The following KAT2A variants were observed in gnomAD, a reference collection of about 807,000 sequenced individuals.
The protein encoded by KAT2A is histone acetyltransferase KAT2A.
A neutral mutation model predicts 95.2 loss-of-function variants in KAT2A; 42 were observed. The observed-to-expected ratio is 0.44, with a 90% CI of 0.34 to 0.57. KAT2A has a LOEUF of 0.57. Ranked by LOEUF, KAT2A falls within the 20% of genes least tolerant of loss-of-function variation. The probability of loss-of-function intolerance (pLI) is 0.01; values close to 1 mark genes in which losing one functional copy is unlikely to be tolerated. For synonymous variants in KAT2A, 449 were observed against 448.2 expected, an observed-to-expected ratio of 1.00 and a Z score of -0.02; for missense variants, 784 against 1,126.3, an observed-to-expected ratio of 0.70 and a Z score of 4.35.
intron 3 of KAT2A, 22 bp downstream of exon 3, chr17:42,120,203 C>T (rs1555667011): frequency 1.2e-6 from 2 of 1,614,078 alleles, no homozygotes; most frequent in Non-Finnish European, 1.7e-6. Flanking sequence ...TTCACTCACA[C>T]CCTCCTTTAG....
In KAT2A at chr17:42,115,055, G is replaced by T; in HGVS notation, c.1876-20C>A. 1.2e-6 allele frequency: 2 copies of T among 1,611,986 alleles called. No individual in the cohort carries two copies. Among genetic ancestry groups the T allele is most frequent in the Non-Finnish European group, 1.7e-6 (2 of 1,179,038 alleles). On this transcript the variant is annotated intron_variant, in intron 12 of 17. Transcript: ENST00000225916. ...GAAACCCTGGGGGGTGGATGGTCAT[G>T]ACCCAGTCCATCCATAAGTATTTCC...
chr17:42,113,608 G>T lies in KAT2A; in HGVS notation c.*41C>A. On this transcript the variant is annotated 3_prime_UTR_variant, in exon 18 of 18. Transcript: ENST00000225916. The stretch of plus-strand genomic sequence containing the variant: ...CCTAAGGATCAGATCAGAATCCGAG[G>T]TGGAGACATTCCAGGTCAGGGCTGC... The T allele has an allele frequency of 6.4e-7, 1 of 1,572,966 alleles. No homozygotes were observed. The highest frequency in any genetic ancestry group is 8.6e-7 in the Non-Finnish European group (1 of 1,160,006).
At position 42,120,069 on chromosome 17, in the gene KAT2A, G is replaced by A; in HGVS notation, c.660C>T (p.Ser220=). Residue 220 remains serine (S), a synonymous_variant, in exon 4 of 18, where the codon TCC becomes TCT. Transcript: ENST00000225916. ...GTTTCTCAAATGGAGGGCTGCCCAG[G>A]GACCCCTCCACCACAGGCCGGGTCA... is the stretch of plus-strand genomic sequence containing the variant. ...LQMTRPVVEG[S]LGSPPFEKPN... is the part of the protein sequence containing the mutation. 1 of 1,614,076 alleles carries A rather than the reference G, an allele frequency of 6.2e-7. No individual in the cohort carries two copies. The highest frequency in any genetic ancestry group is 1.1e-5 in the South Asian group (1 of 91,064).
chr17:42,115,916 G>A (rs895325023), intron 11 of KAT2A, 83 bp from the exon 12 acceptor site: 5 of 822,966 alleles, frequency 6.1e-6, no homozygotes, highest in Non-Finnish European at 1.1e-5. Flanking sequence ...AGAAGAGCGG[G>A]TAGATTGGAA....
chr17:42,115,128 C>A, intron 12 of KAT2A, 93 bp from the exon 13 acceptor site: 1 of 1,265,984 alleles, frequency 7.9e-7, no homozygotes, highest in East Asian at 2.3e-5. Context: ...GTAGCACGTG[C>A]CACTTGCCAC....
In KAT2A at chr17:42,115,781, T is replaced by C. The variant is rs1555665865; in HGVS notation, c.1817A>G (p.Asn606Ser). 1.9e-6 allele frequency: 3 copies of C among 1,613,830 alleles called. No homozygotes were observed. The highest frequency in any genetic ancestry group is 1.3e-5 in the African/African-American group (1 of 74,874). ...NHLKEYHIKH[N>S]ILYFLTYADE... is the part of the protein sequence containing the mutation. ...GGCGTAGGTGAGGAAGTAGAGAATGTTGTGCTTGATGTGATACTCCTTCAG... is the reference window on the plus strand; with the variant it reads ...GGCGTAGGTGAGGAAGTAGAGAATGCTGTGCTTGATGTGATACTCCTTCAG... The change falls in exon 12 of 18, where the codon AAC becomes AGC. Residue 606 changes from asparagine (N) to serine (S), a missense_variant. Physicochemically the swap from Asn to Ser is conservative, Grantham distance 46. Transcript: ENST00000225916.
In KAT2A at chr17:42,121,335, G is replaced by A. The variant is rs995882659; in HGVS notation, c.-31C>T. The A allele has an allele frequency of 2.1e-5, 28 of 1,364,674 alleles. No homozygotes were observed. Among genetic ancestry groups the A allele is most frequent in the African/African-American group, 1.5e-4 (10 of 65,304 alleles). The allele number at this position is 1,364,674 out of a possible 1,614,324, so 84.5% of individuals were successfully genotyped here. ...CCCCCGCAGCGGAGAGCGGCGCCGCGCTCCCAGCCCTAGGGCCGCATGGGC... is the reference window on the plus strand; with the variant it reads ...CCCCCGCAGCGGAGAGCGGCGCCGCACTCCCAGCCCTAGGGCCGCATGGGC... On this transcript the variant is annotated 5_prime_UTR_variant, in exon 1 of 18. Coordinates refer to ENST00000225916, the MANE Select transcript of KAT2A (RefSeq NM_021078.3).
At chr17:42,116,696 C>T (rs934361353) in intron 11 of KAT2A, among the ~76,000 whole-genome samples, 24 of 152,102 alleles carry the variant, frequency 1.6e-4, no homozygotes, top group Non-Finnish European at 3.5e-4. Flanking sequence ...CTCTGCACTG[C>T]GGCCTGGGTG....
chr17:42,118,251 C>T, intron 7 of KAT2A, 46 bp downstream of exon 7: 1 of 1,439,026 alleles, frequency 6.9e-7, no homozygotes, highest in Non-Finnish European at 9.8e-7. Flanking sequence ...AGGCTTAGCT[C>T]AGCCAGGCAG....
intron 12 of KAT2A, 63 bp downstream of exon 12, chr17:42,115,660 G>A (rs894254081): frequency 1.8e-5 from 19 of 1,033,240 alleles, no homozygotes; most frequent in Middle Eastern, 2.1e-4. Flanking sequence ...TCCACAGAGG[G>A]GCTGGACAGA....
Position 42,121,332 on chromosome 17 carries a change from C to G in KAT2A, c.-28G>C, listed in dbSNP as rs782083725. ...CCTCCCCCGCAGCGGAGAGCGGCGC[C>G]GCGCTCCCAGCCCTAGGGCCGCATG... On this transcript the variant is annotated 5_prime_UTR_variant, in exon 1 of 18. Transcript: ENST00000225916. 46 of 1,363,768 alleles carry G rather than the reference C, an allele frequency of 3.4e-5. No homozygotes were observed. In the Admixed American group the frequency reaches 5.2e-4, roughly 15 times the overall value. The allele number at this position is 1,363,768 out of a possible 1,614,324, so 84.5% of individuals were successfully genotyped here.
At position 42,117,518 on chromosome 17, in the gene KAT2A, C is replaced by T; in HGVS notation, c.1507G>A (p.Val503Ile). 1.1e-5 allele frequency: 18 copies of T among 1,613,656 alleles called. No homozygotes were observed. Among genetic ancestry groups the T allele is most frequent in the Non-Finnish European group, 1.5e-5 (18 of 1,180,042 alleles). ...EERRGIIEFH[V>I]IGNSLTPKAN... Reference sequence around the variant, plus strand: ...TTGGGCGTCAGTGAGTTGCCGATGACATGGAACTCGATGATGCCGCGGCGC... The same window carrying T: ...TTGGGCGTCAGTGAGTTGCCGATGATATGGAACTCGATGATGCCGCGGCGC... Residue 503 changes from valine (V) to isoleucine (I), a missense_variant, in exon 10 of 18, where the codon GTC becomes ATC. By Grantham distance (29) the Val-to-Ile change is conservative. This residue lies in a region of KAT2A where 174 missense variants were observed against 324.9 expected (regional missense o/e 0.54). Coordinates refer to ENST00000225916, the MANE Select transcript of KAT2A (RefSeq NM_021078.3). The surrounding 1 kb of genome is among the most constrained non-coding windows in gnomAD (Gnocchi z 8.9).
At position 42,119,828 on chromosome 17, in the gene KAT2A, CCTCT is replaced by C. The variant is rs1184774024; in HGVS notation, c.700-114_700-111del. 8 of 1,055,992 alleles carry C rather than the reference CCTCT, an allele frequency of 7.6e-6. No homozygotes were observed. In the East Asian group the frequency reaches 1.0e-4, roughly 13 times the overall value. 65.4% of individuals were successfully genotyped at this position (1,055,992 alleles called of 1,614,324 possible). On this transcript the variant is annotated intron_variant, in intron 4 of 17. Coordinates refer to ENST00000225916, the MANE Select transcript of KAT2A (RefSeq NM_021078.3). This position sits in a 1 kb window ranked among gnomAD's most constrained non-coding sequence, Gnocchi z 5.3. Reference sequence around the variant, plus strand: ...TGGCCAGGGACAAGGTTCTCCTTCTCCTCTCTCTCTCGGGTGCTCTCTATAGAAA... The same window carrying C: ...TGGCCAGGGACAAGGTTCTCCTTCTCCTCTCTCGGGTGCTCTCTATAGAAA...
chr17:42,113,686 T>C lies in KAT2A; in HGVS notation c.2477A>G (p.Tyr826Cys). Residue 826 changes from tyrosine to cysteine, a missense_variant, in exon 18 of 18, where the codon TAC becomes TGC. Coordinates refer to ENST00000225916, the MANE Select transcript of KAT2A (RefSeq NM_021078.3). ...GAGGCCTCCCTCCTTGAGCTTGAAG[T>C]AGAAGAACTTCTCCAGGGCGCTGGC... ...RCASALEKFFYFKLKEGGLID... is the reference protein window; with the variant it reads ...RCASALEKFFCFKLKEGGLID... The C allele has an allele frequency of 6.2e-7, 1 of 1,611,658 alleles. No individual in the cohort carries two copies. The highest frequency in any genetic ancestry group is 8.5e-7 in the Non-Finnish European group (1 of 1,179,286).
Position 42,115,787 on chromosome 17 carries a change from T to C in KAT2A, c.1811A>G (p.Lys604Arg), listed in dbSNP as rs1555665867. 3 of 1,613,950 alleles carry C rather than the reference T, an allele frequency of 1.9e-6. No individual in the cohort carries two copies. Among genetic ancestry groups the C allele is most frequent in the African/African-American group, 1.3e-5 (1 of 75,042 alleles). Residue 604 changes from lysine to arginine, a missense_variant, in exon 12 of 18, where the codon AAG (lysine) becomes AGG (arginine). Physicochemically the swap from Lys to Arg is conservative, Grantham distance 26 (BLOSUM62 2). Around this residue, in one of 6 missense-constraint regions of KAT2A, gnomAD observed 174 missense variants for 324.9 expected, o/e 0.54. Transcript: ENST00000225916. ...GGTGAGGAAGTAGAGAATGTTGTGCTTGATGTGATACTCCTTCAGGTGGTT... is the reference window on the plus strand; with the variant it reads ...GGTGAGGAAGTAGAGAATGTTGTGCCTGATGTGATACTCCTTCAGGTGGTT... ...LMNHLKEYHI[K>R]HNILYFLTYA... is the part of the protein sequence containing the mutation.
At position 42,115,039 on chromosome 17, in the gene KAT2A, G is replaced by T. The variant is rs932656083; in HGVS notation, c.1876-4C>A. ...CCTTGATGTCCTTGGAGAAACCCTG[G>T]GGGGTGGATGGTCATGACCCAGTCC... On this transcript the variant is annotated splice_region_variant and splice_polypyrimidine_tract_variant and intron_variant, in intron 12 of 17. Transcript: ENST00000225916. 6.2e-7 allele frequency: 1 copy of T among 1,613,388 alleles called. No homozygotes were observed. Among genetic ancestry groups the T allele is most frequent in the South Asian group, 1.1e-5 (1 of 91,068 alleles).
chr17:42,115,797 A>T lies in KAT2A; in HGVS notation c.1801T>A (p.Tyr601Asn). Residue 601 changes from tyrosine (Y) to asparagine (N), a missense_variant, in exon 12 of 18, where the codon TAT becomes AAT. By Grantham distance (143) the Tyr-to-Asn change is moderately radical. This residue lies in a region of KAT2A where 174 missense variants were observed against 324.9 expected (regional missense o/e 0.54). Transcript: ENST00000225916. Reference sequence around the variant, plus strand: ...TAGAGAATGTTGTGCTTGATGTGATACTCCTTCAGGTGGTTCATCAGGTGG... The same window carrying T: ...TAGAGAATGTTGTGCTTGATGTGATTCTCCTTCAGGTGGTTCATCAGGTGG... ...GTHLMNHLKE[Y>N]HIKHNILYFL... 1.2e-6 allele frequency: 2 copies of T among 1,613,346 alleles called. No individual in the cohort carries two copies. The highest frequency in any genetic ancestry group is 1.7e-6 in the Non-Finnish European group (2 of 1,179,540).
Position 42,119,447 on chromosome 17 carries a change from G to C in KAT2A, c.882-11C>G. 6.2e-7 allele frequency: 1 copy of C among 1,601,894 alleles called. No homozygotes were observed. Among genetic ancestry groups the C allele is most frequent in the Non-Finnish European group, 8.5e-7 (1 of 1,171,200 alleles). The stretch of plus-strand genomic sequence containing the variant: ...CAGTAACAGAGCCATCTGGAGTAGG[G>C]GGTCGAGGGGGAGACAGGTGAGGGC... On this transcript the variant is annotated splice_polypyrimidine_tract_variant and intron_variant, in intron 5 of 17. Coordinates refer to ENST00000225916, the MANE Select transcript of KAT2A (RefSeq NM_021078.3). The surrounding 1 kb of genome is among the most constrained non-coding windows in gnomAD (Gnocchi z 5.3).
Position 42,114,724 on chromosome 17 carries a change from C to A in KAT2A, c.2020-120G>T, listed in dbSNP as rs1454514844. The A allele has an allele frequency of 8.7e-7, 1 of 1,153,542 alleles. No homozygotes were observed. The highest frequency in any genetic ancestry group is 1.3e-6 in the Non-Finnish European group (1 of 792,408). The allele number at this position is 1,153,542 out of a possible 1,614,324, so 71.5% of individuals were successfully genotyped here. On this transcript the variant is annotated intron_variant, in intron 13 of 17. Transcript: ENST00000225916. This position sits in a 1 kb window ranked among gnomAD's most constrained non-coding sequence, Gnocchi z 6.0. ...GCAACGCCACCTAATCCAGCACCTCCCCTCATAACTTCCCCAAGGGAGCAG... is the reference window on the plus strand; with the variant it reads ...GCAACGCCACCTAATCCAGCACCTCACCTCATAACTTCCCCAAGGGAGCAG...
Sources: gnomAD v4.1 joint callset for allele counts (sites outside exome capture counted in the v4.1 genomes callset) on GRCh38, gnomAD v4.1.1 for gene constraint, gnomAD v4.1.1 regional missense constraint, Gnocchi (gnomAD v3.1) non-coding constraint, MANE v1.5 for transcripts, NCBI Gene and HGNC (gene_info 2026-07-23, HGNC 2026-07-21) for gene names.